Variants in SLC49A3 observed in about 807,000 individuals in gnomAD.
SLC49A3 encodes the protein solute carrier family 49 member A3.
In SLC49A3, 50 loss-of-function variants were observed where a neutral mutation model predicts 43.8. The observed-to-expected ratio is 1.14, with a 90% CI of 0.91 to 1.45. SLC49A3 has a LOEUF of 1.45. Among genes scored for constraint, SLC49A3 ranks in the 40% most tolerant of loss-of-function variants. The pLI, the probability that SLC49A3 is intolerant of heterozygous loss-of-function variation, is 0.00. For missense variants in SLC49A3, 906 were observed against 774.1 expected (o/e 1.17, Z -2.02); for synonymous variants, 413 against 352.0 (o/e 1.17, Z -1.94).
At chr4:680,578 A>C, downstream of SLC49A3, 1 of 1,613,080 alleles carries the variant, frequency 6.2e-7, no homozygotes, top group Non-Finnish European at 8.5e-7. Flanking sequence ...GGGAAAATCA[A>C]CAAGGAGTAG....
intron 3 of SLC49A3, 61 bp downstream of exon 3, chr4:686,028 C>T (rs1003971560): frequency 7.7e-5 from 123 of 1,606,656 alleles, no homozygotes; most frequent in Middle Eastern, 6.9e-4. Context: ...CCTGGGGAGC[C>T]GAGCGTCTGT....
chr4:681,733 C>T (rs1281289331), downstream of SLC49A3: 1 of 580,930 alleles, frequency 1.7e-6, no homozygotes, highest in Non-Finnish European at 2.2e-6. Context: ...CCGCCCCCTC[C>T]AGCGCCGCCC....
downstream of SLC49A3, chr4:677,881 C>T (rs189373304): frequency 1.4e-6 from 2 of 1,388,684 alleles, no homozygotes; most frequent in African/African-American, 1.4e-5. Context: ...CACTCTGCAG[C>T]TGTCCAGTCC....
At chr4:681,148 C>T (rs1432662971), downstream of SLC49A3, 2 of 1,602,120 alleles carry the variant, frequency 1.2e-6, no homozygotes, top group Admixed American at 1.7e-5. Context: ...GAGGTCTGGC[C>T]CGCGGCTTCC....
intron 6 of SLC49A3, among the ~76,000 whole-genome samples, chr4:684,181 C>A (rs1271034164): frequency 6.6e-6 from 1 of 152,202 alleles, no homozygotes. Context: ...CCCACAGGGG[C>A]GGGGCCTTGC....
At chr4:690,744 T>G (rs1448795597), upstream of SLC49A3, among the ~76,000 whole-genome samples, 2 of 152,210 alleles carry the variant, frequency 1.3e-5, no homozygotes, top group Non-Finnish European at 2.9e-5. Context: ...GCTACCTCCA[T>G]TGTTCAGTCT....
chr4:688,180 T>A (rs1188004924), intron 1 of SLC49A3: 1 of 152,336 alleles, frequency 6.6e-6, no homozygotes, highest in African/African-American at 2.4e-5. Context: ...GCCACAGCAG[T>A]GAGTTACGGC....
downstream of SLC49A3, chr4:681,214 A>T (rs1443465877): frequency 5.2e-6 from 8 of 1,529,686 alleles, no homozygotes; most frequent in Non-Finnish European, 7.1e-6. Flanking sequence ...GTGGAGGGGG[A>T]CGCGGAGCCC....
chr4:686,624 T>A lies in SLC49A3; in HGVS notation c.202A>T (p.Ile68Phe). 6.2e-7 allele frequency: 1 copy of A among 1,613,348 alleles called. No individual in the cohort carries two copies. Among genetic ancestry groups the A allele is most frequent in the South Asian group, 1.1e-5 (1 of 91,090 alleles). ...AEDLVLSMEQ[I>F]NWLSLVYLVV... ...AGGTAGACCAGTGACAGCCAGTTGA[T>A]CTGCTCCATGGACAGGACCAAGTCC... The change falls in exon 2 of 10, where the codon ATC (isoleucine) becomes TTC (phenylalanine). Residue 68 changes from isoleucine to phenylalanine, a missense_variant. By Grantham distance (21) the Ile-to-Phe change is conservative. Coordinates refer to ENST00000322224, the MANE Select transcript of SLC49A3 (RefSeq NM_032219.4).
downstream of SLC49A3, chr4:681,052 C>G (rs1426966891): frequency 5.7e-6 from 9 of 1,566,916 alleles, no homozygotes; most frequent in African/African-American, 8.1e-5. Flanking sequence ...GCTCCTGCAC[C>G]CCCGCATCAG....
upstream of SLC49A3, chr4:689,483 C>G (rs867323374): frequency 5.6e-6 from 1 of 177,970 alleles, no homozygotes; most frequent in South Asian, 2.0e-4. Context: ...AGCAGAAGCT[C>G]TGCACTTCCT....
In SLC49A3 at chr4:681,946, C is replaced by T. The variant is rs1461598253; in HGVS notation, c.*12G>A. On this transcript the variant is annotated 3_prime_UTR_variant, in exon 10 of 10. Transcript: ENST00000322224. ...TCGATGTGGCGGGCAACCTGGACTA[C>T]AAGGCGCTCAGCTACGTGATCACCC... 7 of 1,344,804 alleles carry T rather than the reference C, an allele frequency of 5.2e-6. No homozygotes were observed. The East Asian group carries it at 1.1e-4, about 22-fold the overall frequency. 83.3% of individuals were successfully genotyped at this position (1,344,804 alleles called of 1,614,324 possible).
chr4:679,224 C>A, downstream of SLC49A3: 1 of 698,432 alleles, frequency 1.4e-6, no homozygotes, highest in Admixed American at 2.1e-5. Context: ...GAGAGCATCC[C>A]AGGGTGAGAC....
At chr4:690,563 T>C (rs923435325), upstream of SLC49A3, among the ~76,000 whole-genome samples, 2 of 152,242 alleles carry the variant, frequency 1.3e-5, no homozygotes, top group Admixed American at 1.3e-4. Flanking sequence ...GGAGTTGCAG[T>C]GCAGGCTTCC....
At chr4:688,827 G>A in intron 1 of SLC49A3, 166 bp downstream of exon 1, 1 of 1,188,982 alleles carries the variant, frequency 8.4e-7, no homozygotes, top group Non-Finnish European at 1.1e-6. Flanking sequence ...GCCACCTCCA[G>A]GACAGACAGT....
At chr4:679,309 T>C, downstream of SLC49A3, 2 of 378,144 alleles carry the variant, frequency 5.3e-6, no homozygotes, top group Non-Finnish European at 8.7e-6. Flanking sequence ...AGGGGCTGAC[T>C]CTCTGGTAGG....
intron 1 of SLC49A3, 136 bp from the exon 2 acceptor site, chr4:686,826 C>T (rs1231280114): frequency 4.3e-6 from 5 of 1,162,106 alleles, no homozygotes; most frequent in Non-Finnish European, 5.9e-6. Flanking sequence ...GACACGGGGC[C>T]TTCCTGCCCA....
At chr4:681,645 GC>G (rs1175118701), downstream of SLC49A3, among the ~76,000 whole-genome samples, 25 of 2,546 alleles carry the variant, frequency 9.8e-3, no homozygotes, top group African/African-American at 0.028. Flanking sequence ...GCGCCGCCCC[GC>G]CCCCTCCAGC....
Position 683,299 on chromosome 4 carries a change from G to C in SLC49A3, c.1062C>G (p.Phe354Leu), listed in dbSNP as rs1560166380. 1 of 1,612,698 alleles carries C rather than the reference G, an allele frequency of 6.2e-7. No homozygotes were observed. The highest frequency in any genetic ancestry group is 8.5e-7 in the Non-Finnish European group (1 of 1,179,828). The change falls in exon 8 of 10, where the codon TTC becomes TTG. Residue 354 changes from phenylalanine (F) to leucine (L), a missense_variant. Physicochemically the swap from Phe to Leu is conservative, Grantham distance 22 (BLOSUM62 0). Coordinates refer to ENST00000322224, the MANE Select transcript of SLC49A3 (RefSeq NM_032219.4). ...ATCSLLGLFG[F>L]SVGPVAMELA... ...ACTCCATGGCCACGGGGCCCACCGAGAAGCCAAACAGCCCGAGCAGCGAGC... is the reference window on the plus strand; with the variant it reads ...ACTCCATGGCCACGGGGCCCACCGACAAGCCAAACAGCCCGAGCAGCGAGC...
Sources: gnomAD v4.1 joint callset for allele counts (sites outside exome capture counted in the v4.1 genomes callset) on GRCh38, gnomAD v4.1.1 for gene constraint, MANE v1.5 for transcripts, NCBI Gene and HGNC (gene_info 2026-07-23, HGNC 2026-07-21) for gene names.